Variants in PAG1 observed in about 807,000 individuals in gnomAD.
PAG1 encodes the protein phosphoprotein associated with glycosphingolipid-enriched microdomains 1.
A neutral mutation model predicts 31.7 loss-of-function variants in PAG1; 23 were observed. The observed-to-expected ratio is 0.73, with a 90% CI of 0.52 to 1.03. The LOEUF (loss-of-function observed/expected upper bound fraction) is 1.03. Ranked by LOEUF, PAG1 falls within the 50% of genes least tolerant of loss-of-function variation. The pLI is 0.00. For missense variants in PAG1, 473 were observed against 540.7 expected (o/e 0.87, Z 1.24); for synonymous variants, 214 against 210.3 (o/e 1.02, Z -0.15).
rs576271933 is a variant in PAG1 at position 80,978,536 on chromosome 8, A to G, written c.937-1630T>C. ...GGAGGACAAATGTACCTTGACCTAG[A>G]TTGTAACAATGAGAGTCAGCCCCTC... On this transcript the variant is annotated intron_variant, in intron 8 of 8. Transcript: ENST00000220597. 9.9e-4 allele frequency among the ~76,000 whole-genome samples: 151 copies of G among 152,290 alleles called. 1 individual carries two copies. Among genetic ancestry groups the G allele is most frequent in the African/African-American group, 3.6e-3 (148 of 41,560 alleles).
At chr8:81,092,617 G>A (rs922447853) in intron 1 of PAG1, among the ~76,000 whole-genome samples, 4 of 152,166 alleles carry the variant, frequency 2.6e-5, no homozygotes, top group Non-Finnish European at 5.9e-5. Context: ...CCTCGTCATG[G>A]AACTAATTCA....
intron 1 of PAG1, among the ~76,000 whole-genome samples, chr8:81,104,619 C>T (rs1418767402): frequency 6.6e-6 from 1 of 152,142 alleles, no homozygotes; most frequent in Non-Finnish European, 1.5e-5. Context: ...CTGCTCCATC[C>T]TCTGTATTCA....
intron 2 of PAG1, among the ~76,000 whole-genome samples, chr8:81,047,807 A>G (rs1246229509): frequency 6.6e-6 from 1 of 152,182 alleles, no homozygotes; most frequent in Non-Finnish European, 1.5e-5. Context: ...TGCTATCGAA[A>G]TCTGATGATT....
At chr8:80,995,511 A>G (rs1027060441) in intron 3 of PAG1, among the ~76,000 whole-genome samples, 1 of 152,256 alleles carries the variant, frequency 6.6e-6, no homozygotes, top group African/African-American at 2.4e-5. Context: ...TTTAAAATAC[A>G]TTCAAGCAAG....
rs2130245973 is a variant in PAG1, at chr8:80,968,707, C to T, written c.*7837G>A. 2 of 152,316 alleles carry T rather than the reference C, an allele frequency of 1.3e-5. No homozygotes were observed. The highest frequency in any genetic ancestry group is 3.9e-4 in the East Asian group (2 of 5,190). The allele number at this position is 152,316 out of a possible 1,614,324, so 9.4% of individuals were successfully genotyped here. The stretch of plus-strand genomic sequence containing the variant: ...TTGAAAAAATGCTTCTAGTCACCTA[C>T]TCAATTATAGCTCTAGTAGCCATAT... On this transcript the variant is annotated 3_prime_UTR_variant, in exon 9 of 9. Transcript: ENST00000220597.
chr8:81,087,800 C>T (rs1178809537), intron 1 of PAG1, among the ~76,000 whole-genome samples: 1 of 152,192 alleles, frequency 6.6e-6, no homozygotes, highest in Admixed American at 6.5e-5. Flanking sequence ...TGCAGTCAGT[C>T]ACCTGGGCTG....
Position 80,972,175 on chromosome 8 carries a change from A to T in PAG1, c.*4369T>A, listed in dbSNP as rs1456679445. On this transcript the variant is annotated 3_prime_UTR_variant, in exon 9 of 9. Coordinates refer to ENST00000220597, the MANE Select transcript of PAG1 (RefSeq NM_018440.4). The stretch of plus-strand genomic sequence containing the variant: ...TTATACTTTAACTTTTCCCCATTAC[A>T]CAGTACAATAAGCCTGTCAAGATTT... The T allele has an allele frequency of 6.6e-6, 1 of 152,216 alleles. No homozygotes were observed. The highest frequency in any genetic ancestry group is 1.9e-4 in the East Asian group (1 of 5,202). The allele number at this position is 152,216 out of a possible 1,614,324, so 9.4% of individuals were successfully genotyped here. A position where few individuals can be genotyped will look rare whatever the true frequency, so the allele number is the denominator to read the frequency against.
chr8:81,091,784 T>C (rs887691991), intron 1 of PAG1, among the ~76,000 whole-genome samples: 1 of 151,350 alleles, frequency 6.6e-6, no homozygotes, highest in Admixed American at 6.6e-5. Flanking sequence ...GTTTTATCAA[T>C]GGGATTTAAA....
chr8:81,105,670 C>T (rs529612914), intron 1 of PAG1, among the ~76,000 whole-genome samples: 1 of 152,260 alleles, frequency 6.6e-6, no homozygotes, highest in Admixed American at 6.5e-5. Context: ...TCATCATGTT[C>T]CACCACAATG....
At chr8:81,025,073 A>T (rs1281907587) in intron 3 of PAG1, among the ~76,000 whole-genome samples, 1 of 152,216 alleles carries the variant, frequency 6.6e-6, no homozygotes, top group Admixed American at 6.5e-5. Flanking sequence ...CAGTTTAAAA[A>T]GGGACTGGAA....
In PAG1 at chr8:80,973,511, C is replaced by A. The variant is rs1292820121; in HGVS notation, c.*3033G>T. ...ATAAAAACAAAGATCCTACTTTTAA[C>A]TGAGATAGATTTATAATTCTTACTT... On this transcript the variant is annotated 3_prime_UTR_variant, in exon 9 of 9. Transcript: ENST00000220597. The A allele has an allele frequency of 1.3e-5, 2 of 152,106 alleles. No homozygotes were observed. Among genetic ancestry groups the A allele is most frequent in the Non-Finnish European group, 2.9e-5 (2 of 68,022 alleles). 9.4% of individuals were successfully genotyped at this position (152,106 alleles called of 1,614,324 possible).
In PAG1 at chr8:80,974,152, G is replaced by GTTTTTTTTTTTTTTTT. The variant is rs554932519; in HGVS notation, c.*2376_*2391dup. 2 of 115,378 alleles carry GTTTTTTTTTTTTTTTT rather than the reference G, an allele frequency of 1.7e-5. No homozygotes were observed. Among genetic ancestry groups the GTTTTTTTTTTTTTTTT allele is most frequent in the Non-Finnish European group, 3.5e-5 (2 of 57,806 alleles). The allele number at this position is 115,378 out of a possible 1,614,324, so 7.1% of individuals were successfully genotyped here. A position where few individuals can be genotyped will look rare whatever the true frequency, so the allele number is the denominator to read the frequency against. ...ATTATTTATGAGCTTTCTATAAAAAGTTTTTTTTTTTTTTTTTTTTTTACT... is the reference window on the plus strand; with the variant it reads ...ATTATTTATGAGCTTTCTATAAAAAGTTTTTTTTTTTTTTTTTTTTTTTTTTTTTTTTTTTTTTACT... On this transcript the variant is annotated 3_prime_UTR_variant, in exon 9 of 9. Transcript: ENST00000220597.
chr8:81,107,196 C>T (rs938268935), intron 1 of PAG1, among the ~76,000 whole-genome samples: 3 of 152,056 alleles, frequency 2.0e-5, no homozygotes, highest in African/African-American at 7.2e-5. Context: ...GAGCTCATTG[C>T]GTGAACTAAG....
In PAG1 at chr8:80,976,760, A is replaced by G. The variant is rs1358743094; in HGVS notation, c.1083T>C (p.Thr361=). The G allele has an allele frequency of 5.0e-6, 8 of 1,614,174 alleles. No homozygotes were observed. The highest frequency in any genetic ancestry group is 1.6e-4 in the Middle Eastern group (1 of 6,062). The change falls in exon 9 of 9, where the codon ACT becomes ACC. Residue 361 remains threonine (T), a synonymous_variant. Coordinates refer to ENST00000220597, the MANE Select transcript of PAG1 (RefSeq NM_018440.4). ...TTGGAGTTTTTTCGAAGTCTTTAACAGTAGCATAGAGATCATTACAGGAGG... is the reference window on the plus strand; with the variant it reads ...TTGGAGTTTTTTCGAAGTCTTTAACGGTAGCATAGAGATCATTACAGGAGG... ...SPSSCNDLYA[T]VKDFEKTPNS...
chr8:81,072,031 G>A (rs550598392), intron 1 of PAG1, among the ~76,000 whole-genome samples: 3 of 152,318 alleles, frequency 2.0e-5, no homozygotes, highest in African/African-American at 2.4e-5. Context: ...ACAGACCAGC[G>A]GCACAGGGGC....
chr8:81,065,656 T>G (rs967920222), intron 2 of PAG1, among the ~76,000 whole-genome samples: 3 of 150,972 alleles, frequency 2.0e-5, no homozygotes, highest in African/African-American at 7.4e-5. Flanking sequence ...TTAGAAGCAT[T>G]TTTCAACCAT....
intron 1 of PAG1, among the ~76,000 whole-genome samples, chr8:81,072,658 G>A (rs1054772117): frequency 6.6e-6 from 1 of 152,202 alleles, no homozygotes; most frequent in African/African-American, 2.4e-5. Flanking sequence ...GATCTATGTT[G>A]TGCCACTACA....
At chr8:81,007,461 A>C (rs1807902805) in intron 3 of PAG1, among the ~76,000 whole-genome samples, 1 of 66,096 alleles carries the variant, frequency 1.5e-5, no homozygotes, top group Admixed American at 2.0e-4. Flanking sequence ...TAAAAATACA[A>C]AAATACAAAA....
chr8:80,981,631 T>C (rs1357328770), intron 7 of PAG1, among the ~76,000 whole-genome samples: 1 of 152,002 alleles, frequency 6.6e-6, no homozygotes, highest in African/African-American at 2.4e-5. Context: ...CGTTAATCTA[T>C]TTTCTTTCCT....
Sources: allele counts gnomAD v4.1 joint callset (sites outside exome capture counted in the v4.1 genomes callset), GRCh38; gene constraint gnomAD v4.1.1; transcripts MANE v1.5; gene names NCBI Gene and HGNC (gene_info 2026-07-23, HGNC 2026-07-21).